The following MARCHF1 variants were observed in gnomAD, a reference collection of about 807,000 sequenced individuals.
MARCHF1 encodes the protein E3 ubiquitin-protein ligase MARCHF1.
Under a neutral mutation model 54.2 loss-of-function variants are expected in MARCHF1, and 40 were observed. The ratio of observed to expected loss-of-function variants is 0.74; its 90% confidence interval spans 0.57 to 0.96. MARCHF1 has a LOEUF of 0.96. MARCHF1 is among the 40% of genes least tolerant of loss of function. The probability of loss-of-function intolerance (pLI) is 0.00; values close to 1 mark genes in which losing one functional copy is unlikely to be tolerated. For synonymous variants in MARCHF1, 236 were observed against 236.3 expected (o/e 1.00, Z 0.01); for missense variants, 586 against 656.5 (o/e 0.89, Z 1.17).
chr4:163,670,682 C>T (rs1445399626), intron 5 of MARCHF1, among the ~76,000 whole-genome samples: 1 of 152,012 alleles, frequency 6.6e-6, no homozygotes, highest in East Asian at 1.9e-4. Flanking sequence ...TTGCCACCCA[C>T]TGAGGATATG....
intron 1 of MARCHF1, among the ~76,000 whole-genome samples, chr4:164,167,545 G>A (rs1238640812): frequency 6.7e-6 from 1 of 149,784 alleles, no homozygotes; most frequent in Non-Finnish European, 1.5e-5. Context: ...CAAAGCTATA[G>A]TAATTTAAAA....
chr4:164,312,630 TCTTTACACTAATCTTAA>T (rs1734889731), intron 1 of MARCHF1, among the ~76,000 whole-genome samples: 1 of 152,164 alleles, frequency 6.6e-6, no homozygotes, highest in Non-Finnish European at 1.5e-5. Flanking sequence ...CGAATTATTT[TCTTTACACTAATCTTAA>T]CTATCTAAAA....
intron 1 of MARCHF1, among the ~76,000 whole-genome samples, chr4:164,187,161 T>C (rs1730992042): frequency 1.3e-5 from 2 of 152,072 alleles, no homozygotes; most frequent in African/African-American, 2.4e-5. Context: ...TTTCTGCTCA[T>C]CCTCTAAGAA....
intron 3 of MARCHF1, among the ~76,000 whole-genome samples, chr4:163,974,136 A>G (rs990730682): frequency 1.7e-4 from 26 of 152,212 alleles, no homozygotes; most frequent in African/African-American, 5.8e-4. Flanking sequence ...CTCCCAAATC[A>G]TTTGACATCA....
At position 163,689,866 on chromosome 4, in the gene MARCHF1, TAA is replaced by T. The variant is rs1744389083; in HGVS notation, c.162+10945_162+10946del. Among the ~76,000 whole-genome samples the T allele has an allele frequency of 2.0e-5, 3 of 152,358 alleles. No individual in the cohort carries two copies. In the South Asian group the frequency reaches 6.2e-4, roughly 32 times the overall value. Reference sequence around the variant, plus strand: ...TAAAAAAGGAAATTACAAAACATATTAAAATGCCCTATCAAAGAGTTTAAATT... The same window carrying T: ...TAAAAAAGGAAATTACAAAACATATTAATGCCCTATCAAAGAGTTTAAATT... On this transcript the variant is annotated intron_variant, in intron 5 of 9. Coordinates refer to ENST00000514618, the MANE Select transcript of MARCHF1 (RefSeq NM_001394959.1).
chr4:163,619,795 G>T (rs1287846907), intron 5 of MARCHF1, among the ~76,000 whole-genome samples: 1 of 151,916 alleles, frequency 6.6e-6, no homozygotes, highest in Non-Finnish European at 1.5e-5. Context: ...ATCAAAGTAT[G>T]AGAAAAACAT....
chr4:164,063,174 A>G (rs1477059498), intron 2 of MARCHF1, among the ~76,000 whole-genome samples: 1 of 152,202 alleles, frequency 6.6e-6, no homozygotes, highest in Non-Finnish European at 1.5e-5. Context: ...AGAATGGCAA[A>G]TAAGCATTGG....
chr4:163,601,917 G>A (rs1560967568), intron 7 of MARCHF1, among the ~76,000 whole-genome samples: 1 of 151,396 alleles, frequency 6.6e-6, no homozygotes, highest in Non-Finnish European at 1.5e-5. Flanking sequence ...AGTCATGTAA[G>A]ATAATTTGCC....
At chr4:164,143,130 T>A (rs1197869038) in intron 1 of MARCHF1, among the ~76,000 whole-genome samples, 1 of 148,604 alleles carries the variant, frequency 6.7e-6, no homozygotes, top group Admixed American at 6.7e-5. Flanking sequence ...GAAAAAAGAA[T>A]AAAAAGAAAT....
At chr4:164,117,164 A>G (rs1755955335) in intron 1 of MARCHF1, among the ~76,000 whole-genome samples, 2 of 152,052 alleles carry the variant, frequency 1.3e-5, no homozygotes, top group South Asian at 4.1e-4. Flanking sequence ...AGGCTGAGAC[A>G]GGAGAATCGC....
intron 8 of MARCHF1, among the ~76,000 whole-genome samples, chr4:163,546,569 T>C (rs1738913867): frequency 6.6e-6 from 1 of 152,248 alleles, no homozygotes; most frequent in South Asian, 2.1e-4. Flanking sequence ...AATGACCGAA[T>C]GATACCTGCA....
At chr4:163,854,527 A>G (rs1749718707) in intron 3 of MARCHF1, among the ~76,000 whole-genome samples, 1 of 152,210 alleles carries the variant, frequency 6.6e-6, no homozygotes, top group Non-Finnish European at 1.5e-5. Flanking sequence ...GGTTCCTGAT[A>G]ATATCTACAT....
intron 4 of MARCHF1, among the ~76,000 whole-genome samples, chr4:163,737,960 G>C: frequency 1.3e-5 from 1 of 76,430 alleles, no homozygotes; most frequent in Admixed American, 1.3e-4. Flanking sequence ...ACATGCACAC[G>C]TATGTTTATT....
chr4:163,952,042 G>A (rs923670129), intron 3 of MARCHF1, among the ~76,000 whole-genome samples: 1 of 152,100 alleles, frequency 6.6e-6, no homozygotes, highest in Non-Finnish European at 1.5e-5. Flanking sequence ...GTTATTAGTA[G>A]CAACAAAGAT....
intron 7 of MARCHF1, among the ~76,000 whole-genome samples, chr4:163,609,943 A>AT (rs1336137375): frequency 6.6e-6 from 1 of 152,024 alleles, no homozygotes. Context: ...TTAAAGAGTT[A>AT]TTTTTTATCA....
At chr4:163,730,781 C>T (rs1745801982) in intron 4 of MARCHF1, among the ~76,000 whole-genome samples, 1 of 151,978 alleles carries the variant, frequency 6.6e-6, no homozygotes, top group African/African-American at 2.4e-5. Flanking sequence ...TTTTTTCTTC[C>T]ACATCCAAAG....
At chr4:163,976,943 C>T (rs544041704) in intron 3 of MARCHF1, among the ~76,000 whole-genome samples, 30 of 151,964 alleles carry the variant, frequency 2.0e-4, no homozygotes, top group Admixed American at 6.6e-4. Context: ...AATTTCTGAC[C>T]CACTGAATTC....
chr4:164,182,565 T>C (rs1017254926), intron 1 of MARCHF1, among the ~76,000 whole-genome samples: 8 of 151,962 alleles, frequency 5.3e-5, no homozygotes, highest in African/African-American at 1.9e-4. Context: ...CCATAACATA[T>C]AATATATACA....
At chr4:163,642,611 A>G (rs1742594254) in intron 5 of MARCHF1, among the ~76,000 whole-genome samples, 1 of 152,100 alleles carries the variant, frequency 6.6e-6, no homozygotes, top group African/African-American at 2.4e-5. Context: ...GACTATTACA[A>G]TTAGATTGTT....
Sources: allele counts gnomAD v4.1 joint callset (sites outside exome capture counted in the v4.1 genomes callset), GRCh38; gene constraint gnomAD v4.1.1; transcripts MANE v1.5; gene names NCBI Gene and HGNC (gene_info 2026-07-23, HGNC 2026-07-21).